The following INSL6 variants were observed in gnomAD, a reference collection of about 807,000 sequenced individuals.
The protein encoded by INSL6 is insulin-like peptide INSL6.
In INSL6, 16 loss-of-function variants were observed where a neutral mutation model predicts 9.4. The ratio of observed to expected loss-of-function variants is 1.70; its 90% CI spans 1.15 to 2.59. The LOEUF is 2.59. Ranked by LOEUF, INSL6 falls within the 30% of genes most tolerant of loss-of-function variation. The probability of loss-of-function intolerance (pLI) is 0.00; values close to 1 mark genes in which losing one functional copy is unlikely to be tolerated. For synonymous variants in INSL6, 154 were observed against 96.9 expected, an observed-to-expected ratio of 1.59 and a Z score of -3.46; for missense variants, 391 against 257.3, an observed-to-expected ratio of 1.52 and a Z score of -3.56.
chr9:5,024,418 T>C, the INSL6 span, among the ~76,000 whole-genome samples: 1 of 152,134 alleles, frequency 6.6e-6, no homozygotes, highest in Non-Finnish European at 1.5e-5. Context: ...ATTGGCTCTG[T>C]GTTGGGGCTC....
At chr9:5,015,276 T>C in the INSL6 span, among the ~76,000 whole-genome samples, 1 of 152,226 alleles carries the variant, frequency 6.6e-6, no homozygotes, top group Non-Finnish European at 1.5e-5. Context: ...ATGAAGTTTG[T>C]AACTAGACGT....
At chr9:5,093,443 A>G in the INSL6 span, among the ~76,000 whole-genome samples, 2 of 152,192 alleles carry the variant, frequency 1.3e-5, no homozygotes, top group Non-Finnish European at 2.9e-5. Flanking sequence ...TTCAGCTGTC[A>G]TGAGGGTTCA....
At chr9:5,111,660 C>G in the INSL6 span, 1 of 403,820 alleles carries the variant, frequency 2.5e-6, no homozygotes, top group South Asian at 1.9e-5. Context: ...TCCCTCCCGC[C>G]CAGCAGCGGC....
chr9:5,175,603 C>A (rs767424051), intron 1 of INSL6, among the ~76,000 whole-genome samples: 1 of 152,112 alleles, frequency 6.6e-6, no homozygotes, highest in Non-Finnish European at 1.5e-5. Flanking sequence ...AGTGGGCAGG[C>A]GAGCGAGCAA....
Position 5,163,878 on chromosome 9 carries a change from A to C in INSL6, c.*35T>G, listed in dbSNP as rs766124638. 1 of 1,323,268 alleles carries C rather than the reference A, an allele frequency of 7.6e-7. No homozygotes were observed. Among genetic ancestry groups the C allele is most frequent in the Admixed American group, 1.8e-5 (1 of 56,192 alleles). 82.0% of individuals were successfully genotyped at this position (1,323,268 alleles called of 1,614,324 possible). On this transcript the variant is annotated 3_prime_UTR_variant, in exon 2 of 2. Coordinates refer to ENST00000381641, the MANE Select transcript of INSL6 (RefSeq NM_007179.3). ...AAAAATAGAGTTAAATAAATGTATT[A>C]AGCTTTTATTAGGTTAGAAAAAATT... is the stretch of plus-strand genomic sequence containing the variant.
the INSL6 span, chr9:5,055,616 A>G: frequency 7.1e-7 from 1 of 1,400,404 alleles, no homozygotes; most frequent in South Asian, 1.3e-5. Context: ...TCTTGTTTTA[A>G]AATGGCTCTG....
chr9:5,157,152 T>C (rs1295289971), intron 2 of INSL6, among the ~76,000 whole-genome samples: 1 of 152,210 alleles, frequency 6.6e-6, no homozygotes, highest in African/African-American at 2.4e-5. Context: ...ACCATGTTCA[T>C]GGATCTGAAG....
the INSL6 span, among the ~76,000 whole-genome samples, chr9:5,017,628 T>A: frequency 1.3e-5 from 2 of 152,226 alleles, no homozygotes; most frequent in Non-Finnish European, 2.9e-5. Flanking sequence ...GCTATAAACT[T>A]CCCTCTTATA....
At chr9:5,028,968 G>A in the INSL6 span, among the ~76,000 whole-genome samples, 4 of 152,258 alleles carry the variant, frequency 2.6e-5, no homozygotes, top group African/African-American at 2.4e-5. Flanking sequence ...TACTGCAGTC[G>A]CATTTTTAAT....
At chr9:5,117,261 C>T in the INSL6 span, among the ~76,000 whole-genome samples, 2 of 152,304 alleles carry the variant, frequency 1.3e-5, no homozygotes, top group East Asian at 3.9e-4. Context: ...TAGCAGCATA[C>T]ATGGACGCCC....
At chr9:5,064,344 A>T in the INSL6 span, among the ~76,000 whole-genome samples, 1 of 152,198 alleles carries the variant, frequency 6.6e-6, no homozygotes, top group Non-Finnish European at 1.5e-5. Flanking sequence ...AGCCTGGCCA[A>T]CATGGCGAGA....
chr9:5,046,928 A>AC, the INSL6 span, among the ~76,000 whole-genome samples: 84 of 152,318 alleles, frequency 5.5e-4, no homozygotes, highest in African/African-American at 1.9e-3. Context: ...CAAACTATTC[A>AC]TTCAGCTACT....
the INSL6 span, among the ~76,000 whole-genome samples, chr9:5,065,562 G>C: frequency 3.5e-4 from 54 of 152,296 alleles, 1 homozygote; most frequent in Admixed American, 3.4e-3. Context: ...TAGCATTTGA[G>C]ATGTGGCTAA....
chr9:5,056,482 G>T, the INSL6 span, among the ~76,000 whole-genome samples: 35,224 of 151,908 alleles, frequency 0.23, 4,425 homozygotes, highest in South Asian at 0.3. Flanking sequence ...CTGTCTGGCT[G>T]TTCCAGGGTT....
chr9:5,032,021 G>T, the INSL6 span, among the ~76,000 whole-genome samples: 1 of 152,252 alleles, frequency 6.6e-6, no homozygotes, highest in African/African-American at 2.4e-5. Context: ...CAAAGAAAGG[G>T]GTGACAGACG....
chr9:5,082,646 A>G, the INSL6 span, among the ~76,000 whole-genome samples: 2 of 152,332 alleles, frequency 1.3e-5, no homozygotes, highest in South Asian at 4.1e-4. Flanking sequence ...ATTTCAGACT[A>G]TCACATGGGG....
In INSL6 at chr9:5,164,085, G is replaced by C. The variant is rs773830804; in HGVS notation, c.470C>G (p.Thr157Ser). The change falls in exon 2 of 2, where the codon ACC (threonine) becomes AGC (serine). Residue 157 changes from threonine (T) to serine (S), a missense_variant. By Grantham distance (58) the Thr-to-Ser change is moderately conservative. Transcript: ENST00000381641. ...FQKKRRNKIK[T>S]LSNLFWGHHP... ...ATGCCCCCAAAACAAATTGCTTAAGGTTTTAATTTTGTTTCTACGTTTCTT... is the reference window on the plus strand; with the variant it reads ...ATGCCCCCAAAACAAATTGCTTAAGCTTTTAATTTTGTTTCTACGTTTCTT... 41 of 1,613,090 alleles carry C rather than the reference G, an allele frequency of 2.5e-5. No individual in the cohort carries two copies. In the East Asian group the frequency reaches 8.0e-4, roughly 32 times the overall value.
At chr9:5,013,314 A>G in the INSL6 span, among the ~76,000 whole-genome samples, 1 of 152,262 alleles carries the variant, frequency 6.6e-6, no homozygotes, top group Non-Finnish European at 1.5e-5. Context: ...GTATAGGAAT[A>G]ATTGTAGGAA....
the INSL6 span, among the ~76,000 whole-genome samples, chr9:5,088,948 T>TGACA: frequency 6.6e-6 from 1 of 152,234 alleles, no homozygotes; most frequent in African/African-American, 2.4e-5. Flanking sequence ...AAGGGGTCAC[T>TGACA]GACATTTAGC....
Sources: gnomAD v4.1 joint callset for allele counts (sites outside exome capture counted in the v4.1 genomes callset) on GRCh38, gnomAD v4.1.1 for gene constraint, MANE v1.5 for transcripts, NCBI Gene and HGNC (gene_info 2026-07-23, HGNC 2026-07-21) for gene names.